Variants in ACOT13 observed in about 807,000 individuals in gnomAD.
The protein encoded by ACOT13 is acyl-coenzyme A thioesterase 13.
Under a neutral mutation model 11.8 loss-of-function variants are expected in ACOT13, and 10 were observed. The observed-to-expected ratio is 0.85, with a 90% CI of 0.53 to 1.44. The LOEUF (loss-of-function observed/expected upper bound fraction) is 1.44, where lower values mean the gene tolerates loss of function less well. Ranked by LOEUF, ACOT13 falls within the 40% of genes most tolerant of loss-of-function variation. The probability of loss-of-function intolerance (pLI) is 0.00; values close to 1 mark genes in which losing one functional copy is unlikely to be tolerated. For missense variants in ACOT13, 172 were observed against 174.1 expected (o/e 0.99, Z 0.07); for synonymous variants, 53 against 61.0 (o/e 0.87, Z 0.61).
chr6:24,698,984 A>G (rs891700497), intron 2 of ACOT13, among the ~76,000 whole-genome samples: 1 of 152,176 alleles, frequency 6.6e-6, no homozygotes, highest in Non-Finnish European at 1.5e-5. Flanking sequence ...CTACATGATC[A>G]GGGAACAGTG....
At chr6:24,697,213 T>C (rs1449801857) in intron 1 of ACOT13, among the ~76,000 whole-genome samples, 1 of 152,272 alleles carries the variant, frequency 6.6e-6, no homozygotes, top group East Asian at 1.9e-4. Flanking sequence ...ATTTACACTT[T>C]ATACTAACAT....
chr6:24,698,099 C>G lies in ACOT13; in HGVS notation c.266+32C>G. 3.9e-6 allele frequency: 6 copies of G among 1,524,296 alleles called. No homozygotes were observed. The Admixed American group carries it at 6.3e-5, about 16-fold the overall frequency. 94.4% of individuals were successfully genotyped at this position (1,524,296 alleles called of 1,614,324 possible). ...ATCCAAACTGTATTCCAAATCCCTT[C>G]TGTGTGATAACTGTCTAAACAACTG... On this transcript the variant is annotated intron_variant, in intron 2 of 2. Coordinates refer to ENST00000230048, the MANE Select transcript of ACOT13 (RefSeq NM_018473.4).
At chr6:24,691,477 TATAAAGGAAA>T (rs1778716766) in intron 1 of ACOT13, among the ~76,000 whole-genome samples, 1 of 152,232 alleles carries the variant, frequency 6.6e-6, no homozygotes, top group Admixed American at 6.5e-5. Context: ...TGATAATTGC[TATAAAGGAAA>T]ATAAAGGTGG....
At position 24,702,160 on chromosome 6, in the gene ACOT13, G is replaced by C. The variant is rs557775857; in HGVS notation, c.*545G>C. On this transcript the variant is annotated 3_prime_UTR_variant, in exon 3 of 3. Coordinates refer to ENST00000230048, the MANE Select transcript of ACOT13 (RefSeq NM_018473.4). ...GAGTCTCGCTCTGTTGCCCAGGCTG[G>C]AGTACAGCAGCACGATCTCGGCTCA... The C allele has an allele frequency of 1.3e-5, 2 of 152,660 alleles. No individual in the cohort carries two copies. Among genetic ancestry groups the C allele is most frequent in the South Asian group, 4.1e-4 (2 of 4,834 alleles). 9.5% of individuals were successfully genotyped at this position (152,660 alleles called of 1,614,324 possible). A position where few individuals can be genotyped will look rare whatever the true frequency, so the allele number is the denominator to read the frequency against.
intron 1 of ACOT13, among the ~76,000 whole-genome samples, chr6:24,685,897 A>G (rs1562159426): frequency 6.6e-6 from 1 of 152,166 alleles, no homozygotes; most frequent in Non-Finnish European, 1.5e-5. Context: ...ACTTAGAACA[A>G]AGATTAACAG....
intron 1 of ACOT13, among the ~76,000 whole-genome samples, chr6:24,681,930 A>G (rs1778558715): frequency 6.6e-6 from 1 of 152,232 alleles, no homozygotes; most frequent in South Asian, 2.1e-4. Flanking sequence ...GGGCGCACCC[A>G]TGGGCGACTG....
At chr6:24,670,092 G>GT (rs1778335160) in intron 1 of ACOT13, among the ~76,000 whole-genome samples, 1 of 152,132 alleles carries the variant, frequency 6.6e-6, no homozygotes, top group Non-Finnish European at 1.5e-5. Context: ...CAAGTGGACT[G>GT]TAAGTTTTGA....
At chr6:24,694,972 T>C (rs577593211) in intron 1 of ACOT13, among the ~76,000 whole-genome samples, 27 of 152,308 alleles carry the variant, frequency 1.8e-4, no homozygotes, top group African/African-American at 6.3e-4. Flanking sequence ...GGTAATCAAA[T>C]GGAACTTTAA....
chr6:24,692,634 G>A (rs568399863), intron 1 of ACOT13, among the ~76,000 whole-genome samples: 2 of 152,122 alleles, frequency 1.3e-5, no homozygotes, highest in Admixed American at 1.3e-4. Flanking sequence ...GCCCAGGCTG[G>A]TCTCAAACTC....
At chr6:24,689,975 C>G (rs1013015423) in intron 1 of ACOT13, among the ~76,000 whole-genome samples, 3 of 152,108 alleles carry the variant, frequency 2.0e-5, no homozygotes, top group Non-Finnish European at 2.9e-5. Flanking sequence ...GGAACATAGT[C>G]AAGATTTAGT....
At chr6:24,701,391 TTG>T in intron 2 of ACOT13, 66 bp from the exon 3 acceptor site, 1 of 1,429,574 alleles carries the variant, frequency 7.0e-7, no homozygotes, top group African/African-American at 1.4e-5. Context: ...AGGAACACTG[TTG>T]TGAGATGCAC....
chr6:24,698,008 A>C lies in ACOT13; in HGVS notation c.207A>C (p.Thr69=). ...CCACGTTAGTAGATAACATATCAACAATGGCTCTGCTATGCACGGAAAGGG... is the reference window on the plus strand; with the variant it reads ...CCACGTTAGTAGATAACATATCAACCATGGCTCTGCTATGCACGGAAAGGG... ...LTATLVDNIS[T]MALLCTERGA... The change falls in exon 2 of 3, where the codon ACA becomes ACC. Residue 69 remains threonine (T), a synonymous_variant. Coordinates refer to ENST00000230048, the MANE Select transcript of ACOT13 (RefSeq NM_018473.4). 4 of 1,613,840 alleles carry C rather than the reference A, an allele frequency of 2.5e-6. No individual in the cohort carries two copies. Among genetic ancestry groups the C allele is most frequent in the Non-Finnish European group, 3.4e-6 (4 of 1,179,922 alleles).
chr6:24,703,958 AG>A lies in ACOT13; in HGVS notation c.*2345del, dbSNP rs566150886. 86 of 152,344 alleles carry A rather than the reference AG, an allele frequency of 5.6e-4. 1 individual carries two copies. Among genetic ancestry groups the A allele is most frequent in the African/African-American group, 2.0e-3 (84 of 41,582 alleles). The allele number at this position is 152,344 out of a possible 1,614,324, so 9.4% of individuals were successfully genotyped here. A position where few individuals can be genotyped will look rare whatever the true frequency, so the allele number is the denominator to read the frequency against. ...AACATAGAGGTCATGGAACACATAAAGGCTAAGGAACTGTTCCACATTAAAG... is the reference window on the plus strand; with the variant it reads ...AACATAGAGGTCATGGAACACATAAAGCTAAGGAACTGTTCCACATTAAAG... On this transcript the variant is annotated 3_prime_UTR_variant, in exon 3 of 3. Coordinates refer to ENST00000230048, the MANE Select transcript of ACOT13 (RefSeq NM_018473.4).
In ACOT13 at chr6:24,701,655, A is replaced by G; in HGVS notation, c.*40A>G. The G allele has an allele frequency of 2.6e-6, 4 of 1,552,522 alleles. No individual in the cohort carries two copies. Among genetic ancestry groups the G allele is most frequent in the Non-Finnish European group, 3.5e-6 (4 of 1,145,910 alleles). ...GACCTAAAGAAACCCAACAATGAAT[A>G]TCAAGTATAGATTTGACTCAAACAA... is the stretch of plus-strand genomic sequence containing the variant. On this transcript the variant is annotated 3_prime_UTR_variant, in exon 3 of 3. Coordinates refer to ENST00000230048, the MANE Select transcript of ACOT13 (RefSeq NM_018473.4).
intron 1 of ACOT13, among the ~76,000 whole-genome samples, chr6:24,670,972 G>C (rs1426001939): frequency 6.6e-6 from 1 of 152,166 alleles, no homozygotes; most frequent in Non-Finnish European, 1.5e-5. Flanking sequence ...ACAGGTGCTG[G>C]AGAGGATGTG....
chr6:24,680,854 G>A (rs1415633055), intron 1 of ACOT13, among the ~76,000 whole-genome samples: 2 of 152,178 alleles, frequency 1.3e-5, no homozygotes, highest in Admixed American at 6.5e-5. Flanking sequence ...GTAAGTATGG[G>A]CTTGGCTGAG....
At chr6:24,693,215 G>A (rs954541418) in intron 1 of ACOT13, among the ~76,000 whole-genome samples, 2 of 152,328 alleles carry the variant, frequency 1.3e-5, no homozygotes, top group Non-Finnish European at 1.5e-5. Flanking sequence ...CATTAAGATT[G>A]TCTGTTTTTC....
chr6:24,692,479 C>T (rs540315842), intron 1 of ACOT13, among the ~76,000 whole-genome samples: 4 of 152,298 alleles, frequency 2.6e-5, no homozygotes, highest in East Asian at 3.9e-4. Flanking sequence ...TGCAGTGGCA[C>T]GATCACAGCT....
Position 24,667,235 on chromosome 6 carries a change from A to G in ACOT13, c.-29A>G. 2 of 1,611,772 alleles carry G rather than the reference A, an allele frequency of 1.2e-6. No homozygotes were observed. Among genetic ancestry groups the G allele is most frequent in the East Asian group, 2.2e-5 (1 of 44,866 alleles). Reference sequence around the variant, plus strand: ...GCTCTTCCGAAGTTCGTTCTTGCGCAAAGCCCAAAGGCTGGAAAACCGTCC... The same window carrying G: ...GCTCTTCCGAAGTTCGTTCTTGCGCGAAGCCCAAAGGCTGGAAAACCGTCC... On this transcript the variant is annotated 5_prime_UTR_variant, in exon 1 of 3. Transcript: ENST00000230048.
Sources: allele counts gnomAD v4.1 joint callset (sites outside exome capture counted in the v4.1 genomes callset), GRCh38; gene constraint gnomAD v4.1.1; transcripts MANE v1.5; gene names NCBI Gene and HGNC (gene_info 2026-07-23, HGNC 2026-07-21).